The following RRM2B variants were observed in gnomAD, a reference collection of about 807,000 sequenced individuals.
The protein encoded by RRM2B is ribonucleotide reductase regulatory TP53 inducible subunit M2B.
Under a neutral mutation model 45.9 loss-of-function variants are expected in RRM2B, and 20 were observed. The observed-to-expected ratio is 0.44, with a 90% CI of 0.31 to 0.63. The LOEUF (loss-of-function observed/expected upper bound fraction) is 0.63. Ranked by LOEUF, RRM2B falls within the 30% of genes least tolerant of loss-of-function variation. The probability of loss-of-function intolerance (pLI) is 0.09; values close to 1 mark genes in which losing one functional copy is unlikely to be tolerated. For synonymous variants in RRM2B, 124 were observed against 132.3 expected, an observed-to-expected ratio of 0.94 and a Z score of 0.43; for missense variants, 320 against 414.7, an observed-to-expected ratio of 0.77 and a Z score of 1.98.
chr8:102,230,379 A>G (rs1811007092), intron 2 of RRM2B, among the ~76,000 whole-genome samples: 1 of 152,256 alleles, frequency 6.6e-6, no homozygotes, highest in Non-Finnish European at 1.5e-5. Flanking sequence ...TACAGGTCAC[A>G]TATTACCTTT....
chr8:102,224,008 T>C (rs370154595), intron 5 of RRM2B, 38 bp downstream of exon 5: 18 of 1,403,832 alleles, frequency 1.3e-5, no homozygotes, highest in Admixed American at 1.7e-5. Flanking sequence ...CATATCACCT[T>C]AGGCAAATCT....
chr8:102,214,521 A>C (rs1810692196), intron 6 of RRM2B: 2 of 271,576 alleles, frequency 7.4e-6, no homozygotes, highest in Non-Finnish European at 1.5e-5. Flanking sequence ...AATGATTGAA[A>C]AATAATTAGT....
chr8:102,227,087 A>G (rs1298453896), intron 2 of RRM2B, among the ~76,000 whole-genome samples: 1 of 151,934 alleles, frequency 6.6e-6, no homozygotes, highest in East Asian at 1.9e-4. Context: ...GCCTCAAGCA[A>G]TCCTCCTACC....
chr8:102,234,405 C>T (rs1444451963), intron 1 of RRM2B, among the ~76,000 whole-genome samples: 3 of 152,068 alleles, frequency 2.0e-5, no homozygotes, highest in Admixed American at 6.6e-5. Flanking sequence ...CTAGAGATGA[C>T]GTATTATTTC....
rs1486022004 is a variant in RRM2B at position 102,207,971 on chromosome 8, G to C, written c.*162C>G. On this transcript the variant is annotated 3_prime_UTR_variant, in exon 9 of 9. Transcript: ENST00000251810. The stretch of plus-strand genomic sequence containing the variant: ...TAGGTCACACTCTTGTTGTTAAACA[G>C]GAAAATTATATAAATGCAAATTGTT... The C allele has an allele frequency of 1.7e-6, 1 of 605,516 alleles. No homozygotes were observed. The highest frequency in any genetic ancestry group is 2.9e-6 in the Non-Finnish European group (1 of 345,078). 37.5% of individuals were successfully genotyped at this position (605,516 alleles called of 1,614,324 possible). A position where few individuals can be genotyped will look rare whatever the true frequency, so the allele number is the denominator to read the frequency against.
At chr8:102,216,907 A>G (rs1810739989) in intron 6 of RRM2B, among the ~76,000 whole-genome samples, 1 of 152,104 alleles carries the variant, frequency 6.6e-6, no homozygotes, top group Admixed American at 6.6e-5. Context: ...GATGGGGCTG[A>G]AAATTGTTAT....
In RRM2B at chr8:102,208,145, A is replaced by G; in HGVS notation, c.1044T>C (p.Asp348=). The change falls in exon 9 of 9, where the codon GAT becomes GAC. Residue 348 remains aspartate (D), a synonymous_variant. Coordinates refer to ENST00000251810, the MANE Select transcript of RRM2B (RefSeq NM_015713.5). ...AACGAGAGGTTTTTTAAAAATCTGC[A>G]TCCAAGGTGAAGACGTTATCTGTGG... ...AETTDNVFTL[D]ADF is the part of the protein sequence containing the mutation. 2 of 1,613,312 alleles carry G rather than the reference A, an allele frequency of 1.2e-6. No individual in the cohort carries two copies. The highest frequency in any genetic ancestry group is 8.5e-7 in the Non-Finnish European group (1 of 1,179,378).
At chr8:102,225,797 T>C in intron 3 of RRM2B, 121 bp downstream of exon 3, 1 of 719,584 alleles carries the variant, frequency 1.4e-6, no homozygotes, top group Non-Finnish European at 2.5e-6. Context: ...TTTAAAGAGT[T>C]AAGCTTCATC....
At position 102,231,057 on chromosome 8, in the gene RRM2B, T is replaced by C. The variant is rs569140322; in HGVS notation, c.204+1092A>G. ...ATAGATTCAAATCTATCTATCCAAA[T>C]AGATACATCTATCTATAGAGATACA... On this transcript the variant is annotated intron_variant, in intron 2 of 8. Transcript: ENST00000251810. 1.3e-4 allele frequency among the ~76,000 whole-genome samples: 20 copies of C among 152,290 alleles called. No homozygotes were observed. In the Middle Eastern group the frequency reaches 0.01, roughly 78 times the overall value.
chr8:102,213,603 C>T (rs529275898), intron 7 of RRM2B, among the ~76,000 whole-genome samples: 2 of 152,096 alleles, frequency 1.3e-5, no homozygotes, highest in Non-Finnish European at 2.9e-5. Context: ...CGTACATACC[C>T]TAACTTAATT....
chr8:102,214,966 T>C (rs1286323285), intron 6 of RRM2B, among the ~76,000 whole-genome samples: 2 of 141,390 alleles, frequency 1.4e-5, no homozygotes, highest in African/African-American at 2.6e-5. Flanking sequence ...TCTTAAGTAA[T>C]TGGAGAATAG....
rs1375224421 is a variant in RRM2B at position 102,207,837 on chromosome 8, G to A, written c.*296C>T. On this transcript the variant is annotated 3_prime_UTR_variant, in exon 9 of 9. Transcript: ENST00000251810. ...TACCAAGATTAACTGACTTGCCAAGGGTCACACACTGGAGTAAGGGCAGAA... is the reference window on the plus strand; with the variant it reads ...TACCAAGATTAACTGACTTGCCAAGAGTCACACACTGGAGTAAGGGCAGAA... The A allele has an allele frequency of 7.2e-6, 2 of 278,490 alleles. No individual in the cohort carries two copies. The highest frequency in any genetic ancestry group is 2.2e-5 in the African/African-American group (1 of 44,964). 17.3% of individuals were successfully genotyped at this position (278,490 alleles called of 1,614,324 possible).
At chr8:102,216,554 G>A (rs971550113) in intron 6 of RRM2B, among the ~76,000 whole-genome samples, 2 of 152,138 alleles carry the variant, frequency 1.3e-5, no homozygotes, top group East Asian at 1.9e-4. Context: ...ATCAGTCACT[G>A]TACATTGGGA....
chr8:102,214,189 T>C, intron 6 of RRM2B, 31 bp from the exon 7 acceptor site: 1 of 1,454,034 alleles, frequency 6.9e-7, no homozygotes, highest in Non-Finnish European at 9.7e-7. Context: ...CATTGTCAAA[T>C]AACTTTTAAT....
intron 6 of RRM2B, among the ~76,000 whole-genome samples, chr8:102,217,827 TA>T (rs113005118): frequency 1.2e-3 from 174 of 140,338 alleles, no homozygotes; most frequent in Non-Finnish European, 1.3e-3. Context: ...CAAAAAGGTT[TA>T]AAAAAAAAAA....
intron 1 of RRM2B, among the ~76,000 whole-genome samples, chr8:102,235,488 G>A (rs995086599): frequency 2.0e-5 from 3 of 152,174 alleles, no homozygotes; most frequent in Non-Finnish European, 4.4e-5. Flanking sequence ...CAAGCCAGGC[G>A]ACAACAACAA....
At chr8:102,212,936 T>C in intron 7 of RRM2B, 47 bp from the exon 8 acceptor site, 1 of 946,660 alleles carries the variant, frequency 1.1e-6, no homozygotes, top group Non-Finnish European at 1.7e-6. Context: ...AAACTATAAA[T>C]ATGTATTTTC....
intron 6 of RRM2B, among the ~76,000 whole-genome samples, chr8:102,218,155 G>A (rs901391414): frequency 6.6e-6 from 1 of 152,138 alleles, no homozygotes; most frequent in African/African-American, 2.4e-5. Context: ...AGAATATCTG[G>A]GACAAAGGGT....
In RRM2B at chr8:102,238,404, TCTCCAA is replaced by T. The variant is rs1811161174; in HGVS notation, c.48+417_48+422del. The T allele has an allele frequency of 4.2e-5, 23 of 547,110 alleles. 1 individual carries two copies. In the South Asian group the frequency reaches 4.5e-4, roughly 11 times the overall value. The allele number at this position is 547,110 out of a possible 1,614,324, so 33.9% of individuals were successfully genotyped here. ...CACCTGTGTCAATTTCCACACGCGT[TCTCCAA>T]CTCCTTGTCACCATCCCAAATGGTA... On this transcript the variant is annotated intron_variant, in intron 1 of 8. Coordinates refer to ENST00000251810, the MANE Select transcript of RRM2B (RefSeq NM_015713.5).
Sources: allele counts gnomAD v4.1 joint callset (sites outside exome capture counted in the v4.1 genomes callset), GRCh38; gene constraint gnomAD v4.1.1; transcripts MANE v1.5; gene names NCBI Gene and HGNC (gene_info 2026-07-23, HGNC 2026-07-21).